PCDH15: variants seen among roughly 807,000 people sequenced by gnomAD.
PCDH15 encodes the protein protocadherin related 15.
PCDH15 carries 129 observed loss-of-function variants against 178.5 expected under a neutral mutation model. The observed-to-expected ratio is 0.72, with a 90% CI of 0.63 to 0.84. The LOEUF (loss-of-function observed/expected upper bound fraction) is 0.84. PCDH15 is among the 40% of genes least tolerant of loss of function. The pLI, the probability that PCDH15 is intolerant of heterozygous loss-of-function variation, is 0.00. For missense variants in PCDH15, 2,230 were observed against 2,099.9 expected (o/e 1.06, Z -1.21); for synonymous variants, 800 against 732.0 (o/e 1.09, Z -1.50).
intron 11 of PCDH15, among the ~76,000 whole-genome samples, chr10:54,186,330 A>C (rs533846656): frequency 6.6e-6 from 1 of 152,102 alleles, no homozygotes; most frequent in East Asian, 1.9e-4. Context: ...AGAATAGAAA[A>C]TTGTTAAATG....
At chr10:54,974,642 T>G (rs1042884293) in intron 2 of PCDH15, among the ~76,000 whole-genome samples, 1 of 152,106 alleles carries the variant, frequency 6.6e-6, no homozygotes, top group South Asian at 2.1e-4. Flanking sequence ...GAAATGATTC[T>G]TTTGATCTCA....
intron 2 of PCDH15, among the ~76,000 whole-genome samples, chr10:55,438,991 C>T (rs183557978): frequency 7.6e-4 from 116 of 151,980 alleles, no homozygotes; most frequent in African/African-American, 2.3e-3. Flanking sequence ...CTCCGCCTCC[C>T]GGGTTCACAT....
intron 1 of PCDH15, among the ~76,000 whole-genome samples, chr10:54,703,884 A>G (rs1449407124): frequency 3.3e-5 from 5 of 152,174 alleles, no homozygotes; most frequent in African/African-American, 1.2e-4. Context: ...CCAAAACAGC[A>G]TGGTATTGGT....
intron 28 of PCDH15, among the ~76,000 whole-genome samples, chr10:53,846,862 T>C (rs958532231): frequency 2.0e-5 from 3 of 151,972 alleles, no homozygotes; most frequent in Admixed American, 1.3e-4. Context: ...CCCATTTGTC[T>C]GTGTGAATGA....
rs368234589 is a variant in PCDH15 at position 53,903,181 on chromosome 10, C to T, written c.3501+62G>A. ...GCAGTTAATGCAAACTACAGGCTTA[C>T]AGCTTATCTGCAAAACCTGAGCTTT... is the stretch of plus-strand genomic sequence containing the variant. On this transcript the variant is annotated intron_variant, in intron 26 of 37. Coordinates refer to ENST00000644397, the MANE Select transcript of PCDH15 (RefSeq NM_001384140.1). 23 of 1,594,334 alleles carry T rather than the reference C, an allele frequency of 1.4e-5. 1 individual carries two copies. In the South Asian group the frequency reaches 1.7e-4, roughly 12 times the overall value.
intron 16 of PCDH15, among the ~76,000 whole-genome samples, chr10:54,085,943 T>C (rs944334204): frequency 6.6e-6 from 1 of 152,192 alleles, no homozygotes; most frequent in African/African-American, 2.4e-5. Context: ...AATAGACATG[T>C]AAATATTTTT....
intron 9 of PCDH15, among the ~76,000 whole-genome samples, chr10:54,219,645 G>A (rs999820033): frequency 3.5e-4 from 51 of 144,392 alleles, no homozygotes; most frequent in African/African-American, 1.2e-3. Flanking sequence ...CAATCCCAAC[G>A]TGTGAACTTA....
chr10:53,970,841 G>C lies in PCDH15; in HGVS notation c.2869-8949C>G, dbSNP rs558927822. Among the ~76,000 whole-genome samples, 7 of 152,250 alleles carry C rather than the reference G, an allele frequency of 4.6e-5. No homozygotes were observed. The South Asian group carries it at 1.5e-3, about 32-fold the overall frequency. On this transcript the variant is annotated intron_variant, in intron 21 of 37. Coordinates refer to ENST00000644397, the MANE Select transcript of PCDH15 (RefSeq NM_001384140.1). ...AAGTCCAGGACCAGATGGATTCACA[G>C]CCAAATTCTACCAGAGGTACAAAGT... is the stretch of plus-strand genomic sequence containing the variant.
At chr10:55,526,557 T>C (rs1376150182) in intron 2 of PCDH15, among the ~76,000 whole-genome samples, 9 of 152,020 alleles carry the variant, frequency 5.9e-5, no homozygotes, top group African/African-American at 1.7e-4. Flanking sequence ...CTTTCTACCA[T>C]ACAAAATCAC....
intron 2 of PCDH15, among the ~76,000 whole-genome samples, chr10:55,588,212 T>C (rs1332430134): frequency 6.6e-6 from 1 of 152,194 alleles, no homozygotes; most frequent in African/African-American, 2.4e-5. Flanking sequence ...ATCTGGTAGA[T>C]ATTTATGGCA....
intron 8 of PCDH15, among the ~76,000 whole-genome samples, chr10:54,300,710 C>T (rs2060098149): frequency 6.6e-6 from 1 of 152,130 alleles, no homozygotes; most frequent in African/African-American, 2.4e-5. Context: ...CCAATCAGCG[C>T]TCTGTGTCTA....
intron 2 of PCDH15, among the ~76,000 whole-genome samples, chr10:54,632,312 A>C (rs188146984): frequency 8.9e-4 from 135 of 152,084 alleles, no homozygotes; most frequent in African/African-American, 3.2e-3. Flanking sequence ...TCAAGGTCTG[A>C]AAAAATACCT....
intron 2 of PCDH15, among the ~76,000 whole-genome samples, chr10:55,043,458 C>T (rs1840918044): frequency 6.6e-6 from 1 of 151,962 alleles, no homozygotes; most frequent in South Asian, 2.1e-4. Context: ...CCTGTAATCT[C>T]AGAACTTTGG....
intron 1 of PCDH15, among the ~76,000 whole-genome samples, chr10:54,721,841 A>C (rs1002821042): frequency 3.3e-5 from 5 of 151,904 alleles, no homozygotes; most frequent in African/African-American, 1.2e-4. Flanking sequence ...GCCATCAAGG[A>C]GGAAAGACTC....
intron 3 of PCDH15, among the ~76,000 whole-genome samples, chr10:54,463,551 G>A (rs973651297): frequency 3.3e-5 from 5 of 152,194 alleles, no homozygotes; most frequent in Admixed American, 1.3e-4. Context: ...GCCAGGAAGC[G>A]TTTCACCATC....
intron 21 of PCDH15, among the ~76,000 whole-genome samples, chr10:53,964,272 A>G (rs886959612): frequency 2.0e-5 from 3 of 151,876 alleles, no homozygotes; most frequent in Non-Finnish European, 2.9e-5. Context: ...TAAGAATACA[A>G]GCTTTATTAG....
intron 20 of PCDH15, among the ~76,000 whole-genome samples, chr10:53,996,561 G>T (rs2091860304): frequency 6.6e-6 from 1 of 152,056 alleles, no homozygotes; most frequent in African/African-American, 2.4e-5. Flanking sequence ...TCACTTAACT[G>T]CCATTAGGCT....
At chr10:54,497,981 A>C (rs1162927969) in intron 3 of PCDH15, among the ~76,000 whole-genome samples, 1 of 152,058 alleles carries the variant, frequency 6.6e-6, no homozygotes, top group Non-Finnish European at 1.5e-5. Context: ...ATATAAGATG[A>C]CTATCGCCAA....
intron 23 of PCDH15, among the ~76,000 whole-genome samples, chr10:53,953,759 G>C (rs2087325487): frequency 6.6e-6 from 1 of 152,028 alleles, no homozygotes; most frequent in South Asian, 2.1e-4. Flanking sequence ...TTAGCAGAAA[G>C]TAAAGAAGTA....
Sources: allele counts gnomAD v4.1 joint callset (sites outside exome capture counted in the v4.1 genomes callset), GRCh38; gene constraint gnomAD v4.1.1; transcripts MANE v1.5; gene names NCBI Gene and HGNC (gene_info 2026-07-23, HGNC 2026-07-21).